The following CCSER1 variants were observed in gnomAD, a reference collection of about 807,000 sequenced individuals.
CCSER1 encodes serine-rich coiled-coil domain-containing protein 1.
A neutral mutation model predicts 82.0 loss-of-function variants in CCSER1; 41 were observed. The observed-to-expected ratio is 0.50, with a 90% CI of 0.39 to 0.65. CCSER1 has a LOEUF of 0.65. CCSER1 is among the 30% of genes least tolerant of loss of function. CCSER1 has a pLI of 0.00. For missense variants in CCSER1, 1,119 were observed against 1,064.2 expected, an observed-to-expected ratio of 1.05 and a Z score of -0.72; for synonymous variants, 414 against 383.9, an observed-to-expected ratio of 1.08 and a Z score of -0.92.
chr4:91,540,195 T>C (rs572027332), intron 10 of CCSER1, among the ~76,000 whole-genome samples: 44 of 152,238 alleles, frequency 2.9e-4, no homozygotes, highest in Non-Finnish European at 5.0e-4. Context: ...CACATCACAG[T>C]GGTACATTTG....
chr4:91,160,367 T>C (rs1399064797), intron 10 of CCSER1, among the ~76,000 whole-genome samples: 1 of 152,208 alleles, frequency 6.6e-6, no homozygotes, highest in Non-Finnish European at 1.5e-5. Flanking sequence ...CTTGTACATG[T>C]GTCTTTATAG....
At chr4:90,866,730 C>T (rs1765773775) in intron 8 of CCSER1, among the ~76,000 whole-genome samples, 1 of 152,022 alleles carries the variant, frequency 6.6e-6, no homozygotes, top group Admixed American at 6.6e-5. Context: ...AGTTCCCAAA[C>T]TTTTTGGCAC....
At chr4:90,665,968 T>C (rs1280694867) in intron 6 of CCSER1, among the ~76,000 whole-genome samples, 2 of 152,118 alleles carry the variant, frequency 1.3e-5, no homozygotes, top group Non-Finnish European at 2.9e-5. Flanking sequence ...CATTTCCTTG[T>C]TGCTGTTGGC....
intron 7 of CCSER1, among the ~76,000 whole-genome samples, chr4:90,801,902 T>C (rs1756871849): frequency 1.3e-5 from 2 of 152,292 alleles, no homozygotes; most frequent in Non-Finnish European, 1.5e-5. Context: ...TTTGGTAATA[T>C]ATTTTTTAGT....
chr4:90,609,143 T>C (rs559518109), intron 5 of CCSER1, among the ~76,000 whole-genome samples: 1 of 152,266 alleles, frequency 6.6e-6, no homozygotes, highest in African/African-American at 2.4e-5. Flanking sequence ...ATTTTATTCA[T>C]ATTTTTATAT....
intron 5 of CCSER1, among the ~76,000 whole-genome samples, chr4:90,493,580 C>A (rs1044383195): frequency 1.3e-5 from 2 of 152,206 alleles, no homozygotes; most frequent in Admixed American, 6.5e-5. Flanking sequence ...AGAAACTCTA[C>A]AAGCCAGAAG....
chr4:90,882,850 T>C (rs1158640288), intron 8 of CCSER1, among the ~76,000 whole-genome samples: 1 of 152,066 alleles, frequency 6.6e-6, no homozygotes, highest in Non-Finnish European at 1.5e-5. Flanking sequence ...GTAAATTAAA[T>C]CTAGTGATGA....
chr4:90,606,553 G>A (rs1265351660), intron 5 of CCSER1, among the ~76,000 whole-genome samples: 6 of 152,256 alleles, frequency 3.9e-5, no homozygotes, highest in Admixed American at 2.6e-4. Context: ...GTGATATAGA[G>A]TTCATATGTC....
At position 91,271,403 on chromosome 4, in the gene CCSER1, C is replaced by T. The variant is rs141340136; in HGVS notation, c.2217+185409C>T. 2.9e-3 allele frequency among the ~76,000 whole-genome samples: 440 copies of T among 152,186 alleles called. 1 individual carries two copies. The highest frequency in any genetic ancestry group is 1.0e-2 in the African/African-American group (414 of 41,514). On this transcript the variant is annotated intron_variant, in intron 10 of 10. Coordinates refer to ENST00000509176, the MANE Select transcript of CCSER1 (RefSeq NM_001145065.2). ...ACACTGCACCCAGTTTGTAGTCTTT[C>T]ATCTCTCACCCCCTTCCCACCCTTT...
intron 3 of CCSER1, among the ~76,000 whole-genome samples, chr4:90,356,269 T>C (rs569195204): frequency 3.9e-5 from 6 of 151,990 alleles, no homozygotes; most frequent in African/African-American, 1.4e-4. Context: ...ATTTCTTCCA[T>C]CCCACAGCTT....
intron 10 of CCSER1, among the ~76,000 whole-genome samples, chr4:91,544,245 G>A (rs547793701): frequency 2.1e-4 from 32 of 152,172 alleles, no homozygotes; most frequent in South Asian, 4.1e-4. Flanking sequence ...CAATGGGTCC[G>A]AACATCCTCC....
At chr4:91,542,987 G>C (rs9995601) in intron 10 of CCSER1, among the ~76,000 whole-genome samples, 4,187 of 152,280 alleles carry the variant, frequency 0.027, 170 homozygotes, top group African/African-American at 0.092. Context: ...GGGTGCTCCT[G>C]TATTGGATGC....
intron 1 of CCSER1, among the ~76,000 whole-genome samples, chr4:90,225,533 T>C (rs886939181): frequency 2.6e-5 from 4 of 152,208 alleles, no homozygotes; most frequent in Non-Finnish European, 4.4e-5. Context: ...GGGCATTATA[T>C]TATCTATTTG....
intron 1 of CCSER1, among the ~76,000 whole-genome samples, chr4:90,235,930 A>G (rs1376469593): frequency 6.6e-6 from 1 of 152,154 alleles, no homozygotes; most frequent in Non-Finnish European, 1.5e-5. Flanking sequence ...TCTATTTACT[A>G]AAAACATGCA....
Position 90,497,965 on chromosome 4 carries a change from A to G in CCSER1, c.1724+29611A>G, listed in dbSNP as rs1293773082. Among the ~76,000 whole-genome samples, 4 of 145,622 alleles carry G rather than the reference A, an allele frequency of 2.7e-5. No individual in the cohort carries two copies. The East Asian group carries it at 6.1e-4, about 22-fold the overall frequency. ...GAACAGTCTCTTTTTTTTTTTTTTG[A>G]GATGGAGTTTCGCTCTTTTTGCCCA... On this transcript the variant is annotated intron_variant, in intron 5 of 10. Coordinates refer to ENST00000509176, the MANE Select transcript of CCSER1 (RefSeq NM_001145065.2).
At chr4:91,135,232 T>C (rs1728361087) in intron 10 of CCSER1, among the ~76,000 whole-genome samples, 1 of 152,078 alleles carries the variant, frequency 6.6e-6, no homozygotes, top group South Asian at 2.1e-4. Flanking sequence ...AATCTAAAAC[T>C]AATTGTAAAG....
intron 1 of CCSER1, among the ~76,000 whole-genome samples, chr4:90,258,830 T>C (rs577100910): frequency 6.6e-6 from 1 of 152,256 alleles, no homozygotes; most frequent in Middle Eastern, 3.4e-3. Context: ...GTATCAAATA[T>C]GTAGTCTTAC....
At chr4:91,159,731 T>G (rs1247065203) in intron 10 of CCSER1, among the ~76,000 whole-genome samples, 2 of 151,910 alleles carry the variant, frequency 1.3e-5, no homozygotes, top group African/African-American at 4.8e-5. Flanking sequence ...CTGTTGTGTG[T>G]GAATATAAAC....
chr4:90,857,546 A>T (rs1050107393), intron 8 of CCSER1, among the ~76,000 whole-genome samples: 16 of 152,216 alleles, frequency 1.1e-4, no homozygotes, highest in African/African-American at 3.1e-4. Flanking sequence ...AATACATTGC[A>T]TACATGAGAA....
Sources: gnomAD v4.1 joint callset for allele counts (sites outside exome capture counted in the v4.1 genomes callset) on GRCh38, gnomAD v4.1.1 for gene constraint, MANE v1.5 for transcripts, NCBI Gene and HGNC (gene_info 2026-07-23, HGNC 2026-07-21) for gene names.